The following FOXP1 variants were observed in gnomAD, a reference collection of about 807,000 sequenced individuals.
The protein encoded by FOXP1 is forkhead box P1.
FOXP1 carries 15 observed loss-of-function variants against 98.2 expected under a neutral mutation model. The ratio of observed to expected loss-of-function variants is 0.15; its 90% CI spans 0.10 to 0.24. FOXP1 has a LOEUF of 0.24. FOXP1 is among the 10% of genes least tolerant of loss of function. The pLI is 1.00. For synonymous variants in FOXP1, 371 were observed against 314.5 expected (o/e 1.18, Z -1.90); for missense variants, 633 against 848.5 (o/e 0.75, Z 3.15).
chr3:71,479,763 GA>G (rs2090130734), intron 3 of FOXP1, among the ~76,000 whole-genome samples: 1 of 151,246 alleles, frequency 6.6e-6, no homozygotes, highest in South Asian at 2.1e-4. Context: ...TGGGTAGACA[GA>G]ACAGAAAAAT....
intron 5 of FOXP1, among the ~76,000 whole-genome samples, chr3:71,296,686 T>C (rs2073330954): frequency 6.8e-6 from 1 of 146,230 alleles, no homozygotes. Context: ...ACTTTGGAAA[T>C]GTGTCCCCTC....
At chr3:71,071,085 T>A (rs1015407465) in intron 7 of FOXP1, among the ~76,000 whole-genome samples, 1 of 152,254 alleles carries the variant, frequency 6.6e-6, no homozygotes, top group South Asian at 2.1e-4. Flanking sequence ...CTTTCCCTAA[T>A]AGTCACCAAT....
chr3:71,018,761 A>G (rs534647859), intron 11 of FOXP1, among the ~76,000 whole-genome samples: 2 of 152,344 alleles, frequency 1.3e-5, no homozygotes, highest in African/African-American at 4.8e-5. Context: ...GGAGGGGTAC[A>G]GGGAGTCAGG....
intron 6 of FOXP1, among the ~76,000 whole-genome samples, chr3:71,176,395 C>G (rs367837816): frequency 6.6e-6 from 1 of 152,140 alleles, no homozygotes; most frequent in Admixed American, 6.5e-5. Context: ...CCCAGATTTC[C>G]GCGTTCTTAG....
Position 71,348,551 on chromosome 3 carries a change from G to GCGCGCA in FOXP1, c.-73+10598_-73+10599insTGCGCG, listed in dbSNP as rs1491410340. On this transcript the variant is annotated intron_variant, in intron 4 of 20. Transcript: ENST00000649528. ...TGTGTGTGTGTGTGTGTGTGTGTGCGTGCGCGCGCGCACGCATATGCATGT... is the reference window on the plus strand; with the variant it reads ...TGTGTGTGTGTGTGTGTGTGTGTGCGCGCGCATGCGCGCGCGCACGCATATGCATGT... 2.2e-5 allele frequency among the ~76,000 whole-genome samples: 3 copies of GCGCGCA among 133,608 alleles called. No homozygotes were observed. In the East Asian group the frequency reaches 6.1e-4, roughly 27 times the overall value. The allele number at this position is 133,608 out of a possible 152,430, so 87.7% of individuals were successfully genotyped here.
Position 70,959,282 on chromosome 3 carries a change from A to G in FOXP1, c.1999T>C (p.Tyr667His). The G allele has an allele frequency of 6.2e-7, 1 of 1,613,320 alleles. No individual in the cohort carries two copies. Among genetic ancestry groups the G allele is most frequent in the Non-Finnish European group, 8.5e-7 (1 of 1,179,922 alleles). ...TCCTCGTTTACTGGTTCATCTTCGTAATCTCTGTCATGGTCAAAATCTGGA... is the reference window on the plus strand; with the variant it reads ...TCCTCGTTTACTGGTTCATCTTCGTGATCTCTGTCATGGTCAAAATCTGGA... The part of the protein sequence containing the change: ...HSPDFDHDRD[Y>H]EDEPVNEDME Residue 667 changes from tyrosine to histidine, a missense_variant, in exon 21 of 21, where the codon TAC becomes CAC. Transcript: ENST00000649528.
At position 71,342,678 on chromosome 3, in the gene FOXP1, G is replaced by A. The variant is rs531884244; in HGVS notation, c.-73+16472C>T. Among the ~76,000 whole-genome samples, 621 of 131,934 alleles carry A rather than the reference G, an allele frequency of 4.7e-3. 5 individuals are homozygous for A. Among genetic ancestry groups the A allele is most frequent in the African/African-American group, 0.016 (583 of 37,464 alleles). 86.6% of individuals were successfully genotyped at this position (131,934 alleles called of 152,430 possible). A position where few individuals can be genotyped will look rare whatever the true frequency, so the allele number is the denominator to read the frequency against. On this transcript the variant is annotated intron_variant, in intron 4 of 20. Coordinates refer to ENST00000649528, the MANE Select transcript of FOXP1 (RefSeq NM_001349338.3). ...ATTGCACTCCAGCCTGGGTGACAGA[G>A]ACTCCGTCTAAAAAAAAAAAAGCAA...
chr3:71,267,944 G>T (rs2069866844), intron 5 of FOXP1, among the ~76,000 whole-genome samples: 1 of 151,210 alleles, frequency 6.6e-6, no homozygotes, highest in South Asian at 2.1e-4. Context: ...CTTGAACTTG[G>T]GAGATGGAGG....
intron 3 of FOXP1, among the ~76,000 whole-genome samples, chr3:71,427,416 A>T (rs1032719810): frequency 6.6e-6 from 1 of 152,226 alleles, no homozygotes; most frequent in African/African-American, 2.4e-5. Flanking sequence ...AAGGGCATGT[A>T]AAGCGTAAAG....
chr3:71,238,662 G>A (rs1321515130), intron 5 of FOXP1, among the ~76,000 whole-genome samples: 3 of 152,154 alleles, frequency 2.0e-5, no homozygotes, highest in Non-Finnish European at 2.9e-5. Flanking sequence ...TATGACAAGC[G>A]TTCACAACAG....
chr3:71,051,552 TGGCCACCTGCTTAG>T (rs1327101679), intron 9 of FOXP1, among the ~76,000 whole-genome samples: 1 of 152,100 alleles, frequency 6.6e-6, no homozygotes, highest in African/African-American at 2.4e-5. Context: ...AGAACAAAAG[TGGCCACCTGCTTAG>T]GGCTGGTGAA....
intron 6 of FOXP1, among the ~76,000 whole-genome samples, chr3:71,173,383 TCACACACACACACACACACACA>T (rs3064895): frequency 7.0e-6 from 1 of 143,206 alleles, no homozygotes; most frequent in Admixed American, 7.1e-5. Context: ...AAGAAAAAAT[TCACACACACACACACACACACA>T]CACACACACA....
chr3:71,057,290 A>ATT (rs2050789349), intron 7 of FOXP1, among the ~76,000 whole-genome samples: 3 of 12,834 alleles, frequency 2.3e-4, no homozygotes, highest in Admixed American at 1.6e-3. Flanking sequence ...TAAAAACGAA[A>ATT]CTTTTTTTTT....
At chr3:71,115,479 G>A (rs2058304159) in intron 6 of FOXP1, among the ~76,000 whole-genome samples, 2 of 151,648 alleles carry the variant, frequency 1.3e-5, no homozygotes, top group South Asian at 4.2e-4. Context: ...TGGGACTACA[G>A]ACGTGTGCCA....
At chr3:71,495,322 T>C (rs1210814632) in intron 2 of FOXP1, among the ~76,000 whole-genome samples, 1 of 152,252 alleles carries the variant, frequency 6.6e-6, no homozygotes, top group Admixed American at 6.5e-5. Context: ...TATATCATCC[T>C]ATGTGCTTAC....
chr3:71,218,631 C>A (rs1641938024), intron 5 of FOXP1, among the ~76,000 whole-genome samples: 1 of 152,214 alleles, frequency 6.6e-6, no homozygotes, highest in Admixed American at 6.5e-5. Flanking sequence ...AGGCCAGATG[C>A]TCTCTGTCCC....
At chr3:71,474,119 C>T (rs542163664) in intron 3 of FOXP1, among the ~76,000 whole-genome samples, 32 of 151,612 alleles carry the variant, frequency 2.1e-4, no homozygotes, top group Non-Finnish European at 4.7e-4. Context: ...ATTTAAATTC[C>T]AAAAAAGACT....
chr3:71,003,431 T>C (rs1255236082), intron 12 of FOXP1, among the ~76,000 whole-genome samples: 1 of 152,110 alleles, frequency 6.6e-6, no homozygotes, highest in Non-Finnish European at 1.5e-5. Context: ...TTATTTTTTT[T>C]TTTTCCCATA....
chr3:70,979,842 TA>T lies in FOXP1; in HGVS notation c.1147-1814del, dbSNP rs1365887294. ...TCTAATATGTTTCAGGAGAGTTTCA[TA>T]AAAAAGCAATGAACCTGAAGAAAAG... is the stretch of plus-strand genomic sequence containing the variant. On this transcript the variant is annotated intron_variant, in intron 14 of 20. Transcript: ENST00000649528. Among the ~76,000 whole-genome samples the T allele has an allele frequency of 4.7e-5, 7 of 149,230 alleles. No individual in the cohort carries two copies. The South Asian group carries it at 1.3e-3, about 27-fold the overall frequency.
Sources: allele counts gnomAD v4.1 joint callset (sites outside exome capture counted in the v4.1 genomes callset), GRCh38; gene constraint gnomAD v4.1.1; transcripts MANE v1.5; gene names NCBI Gene and HGNC (gene_info 2026-07-23, HGNC 2026-07-21).